ERC2: variants seen among roughly 807,000 people sequenced by gnomAD.
ERC2 encodes ELKS/RAB6-interacting/CAST family member 2.
In ERC2, 42 loss-of-function variants were observed where a neutral mutation model predicts 114.8. That is an observed-to-expected ratio of 0.37 (90% confidence interval 0.29 to 0.47). The LOEUF (loss-of-function observed/expected upper bound fraction) is 0.47. ERC2 is among the 20% of genes least tolerant of loss of function. The probability of loss-of-function intolerance (pLI) is 0.99; values close to 1 mark genes in which losing one functional copy is unlikely to be tolerated. For synonymous variants in ERC2, 454 were observed against 425.5 expected, an observed-to-expected ratio of 1.07 and a Z score of -0.82; for missense variants, 939 against 1,150.7, an observed-to-expected ratio of 0.82 and a Z score of 2.66.
intron 14 of ERC2, among the ~76,000 whole-genome samples, chr3:55,855,642 A>G (rs1575864784): frequency 6.6e-6 from 1 of 152,372 alleles, no homozygotes; most frequent in East Asian, 1.9e-4. Flanking sequence ...CAGATTAACT[A>G]TAAAGAAAAA....
intron 3 of ERC2, among the ~76,000 whole-genome samples, chr3:56,284,030 T>A (rs2054521046): frequency 1.3e-5 from 2 of 152,352 alleles, no homozygotes; most frequent in Admixed American, 1.3e-4. Context: ...TTTTAAAACA[T>A]GCACTAACTA....
intron 1 of ERC2, among the ~76,000 whole-genome samples, chr3:56,462,513 T>C (rs954140408): frequency 2.6e-5 from 4 of 152,172 alleles, no homozygotes; most frequent in Admixed American, 2.6e-4. Context: ...AACTCAAATA[T>C]TTCAACCAGG....
At chr3:56,320,217 T>C (rs1295619117) in intron 2 of ERC2, among the ~76,000 whole-genome samples, 2 of 152,042 alleles carry the variant, frequency 1.3e-5, no homozygotes, top group East Asian at 3.9e-4. Flanking sequence ...AAAACAACCA[T>C]AGAGAAGAAA....
intron 17 of ERC2, among the ~76,000 whole-genome samples, chr3:55,582,272 G>A (rs748268526): frequency 6.6e-5 from 10 of 152,152 alleles, no homozygotes; most frequent in Non-Finnish European, 1.5e-4. Context: ...CCTCTGTGAG[G>A]GCCTCTCTCC....
chr3:56,114,547 C>A (rs1198259886), intron 6 of ERC2, among the ~76,000 whole-genome samples: 4 of 152,104 alleles, frequency 2.6e-5, no homozygotes, highest in Admixed American at 6.6e-5. Context: ...GAGGGGGTTC[C>A]ATTCAGTGAG....
At chr3:55,694,243 T>G (rs551943969) in intron 16 of ERC2, among the ~76,000 whole-genome samples, 25 of 152,298 alleles carry the variant, frequency 1.6e-4, no homozygotes, top group African/African-American at 4.3e-4. Flanking sequence ...TTTGTGACTC[T>G]GGATCATTAA....
intron 7 of ERC2, among the ~76,000 whole-genome samples, chr3:56,055,630 C>T (rs1048062587): frequency 2.0e-5 from 3 of 152,160 alleles, no homozygotes; most frequent in Admixed American, 6.5e-5. Flanking sequence ...GTATAACAGG[C>T]GAGACAGACA....
intron 17 of ERC2, among the ~76,000 whole-genome samples, chr3:55,579,053 A>G (rs115001920): frequency 6.6e-6 from 1 of 152,190 alleles, no homozygotes; most frequent in African/African-American, 2.4e-5. Context: ...AAGTCTTAAA[A>G]CCAGTCTAAA....
intron 17 of ERC2, among the ~76,000 whole-genome samples, chr3:55,592,262 AT>A (rs1259864712): frequency 6.6e-6 from 1 of 152,212 alleles, no homozygotes; most frequent in African/African-American, 2.4e-5. Flanking sequence ...AGCTTTGCTC[AT>A]TCATTCCATT....
intron 2 of ERC2, among the ~76,000 whole-genome samples, chr3:56,333,525 T>C (rs991664367): frequency 6.6e-6 from 1 of 152,194 alleles, no homozygotes; most frequent in African/African-American, 2.4e-5. Context: ...ACTAAACAAA[T>C]ACTATCAAAA....
intron 17 of ERC2, among the ~76,000 whole-genome samples, chr3:55,588,458 C>T (rs1346153804): frequency 2.0e-5 from 3 of 152,220 alleles, no homozygotes; most frequent in East Asian, 1.9e-4. Context: ...CCCGGTAAGC[C>T]GAAGGAATGT....
intron 6 of ERC2, among the ~76,000 whole-genome samples, chr3:56,091,234 T>C (rs2077772006): frequency 6.6e-6 from 1 of 151,862 alleles, no homozygotes; most frequent in Admixed American, 6.6e-5. Flanking sequence ...CGTGGCTGTG[T>C]TTGTGATGCA....
chr3:55,979,958 C>CT (rs57387241), intron 12 of ERC2, among the ~76,000 whole-genome samples: 433 of 129,128 alleles, frequency 3.4e-3, no homozygotes, highest in African/African-American at 6.2e-3. Context: ...CTTTTTTTTT[C>CT]TTTTTTTTTT....
intron 12 of ERC2, among the ~76,000 whole-genome samples, chr3:55,955,389 C>T (rs1224386863): frequency 6.6e-6 from 1 of 152,122 alleles, no homozygotes; most frequent in Non-Finnish European, 1.5e-5. Context: ...ATCACCCTGC[C>T]TCATGGCCCT....
chr3:55,761,845 T>C (rs1166362659), intron 14 of ERC2, among the ~76,000 whole-genome samples: 2 of 145,212 alleles, frequency 1.4e-5, no homozygotes, highest in Non-Finnish European at 3.0e-5. Context: ...CACTGCACTC[T>C]GGCCTGGGCG....
At chr3:55,766,533 G>C (rs1305794718) in intron 14 of ERC2, among the ~76,000 whole-genome samples, 1 of 152,110 alleles carries the variant, frequency 6.6e-6, no homozygotes, top group Non-Finnish European at 1.5e-5. Context: ...AGACTGGGCA[G>C]GTTTGGCATT....
At chr3:55,904,715 G>A (rs1342647378) in intron 13 of ERC2, among the ~76,000 whole-genome samples, 1 of 152,120 alleles carries the variant, frequency 6.6e-6, no homozygotes, top group Admixed American at 6.5e-5. Flanking sequence ...CGTCTGGGGG[G>A]AAACACATTT....
At chr3:56,460,690 T>C (rs970655478) in intron 1 of ERC2, among the ~76,000 whole-genome samples, 3 of 152,242 alleles carry the variant, frequency 2.0e-5, no homozygotes, top group Admixed American at 6.5e-5. Flanking sequence ...GTTGTTCATC[T>C]CTGTACCCCC....
In ERC2 at chr3:55,794,322, C is replaced by T. The variant is rs1004221840; in HGVS notation, c.2565-59404G>A. On this transcript the variant is annotated intron_variant, in intron 14 of 17. Coordinates refer to ENST00000288221, the MANE Select transcript of ERC2 (RefSeq NM_015576.3). ...CTTTTATCCTGTTTCCCTTTTTGCT[C>T]TGGCTGCCAGGGAGTTCAGGGCCAA... Among the ~76,000 whole-genome samples, 16 of 152,044 alleles carry T rather than the reference C, an allele frequency of 1.1e-4. No individual in the cohort carries two copies. The East Asian group carries it at 3.1e-3, about 29-fold the overall frequency.
Sources: allele counts gnomAD v4.1 joint callset (sites outside exome capture counted in the v4.1 genomes callset), GRCh38; gene constraint gnomAD v4.1.1; transcripts MANE v1.5; gene names NCBI Gene and HGNC (gene_info 2026-07-23, HGNC 2026-07-21).